The following ZNF362 variants were observed in gnomAD, a reference collection of about 807,000 sequenced individuals.
ZNF362 encodes the protein zinc finger protein 362.
A neutral mutation model predicts 42.9 loss-of-function variants in ZNF362; 11 were observed. The ratio of observed to expected loss-of-function variants is 0.26; its 90% CI spans 0.16 to 0.42. The LOEUF is 0.42. Ranked by LOEUF, ZNF362 falls within the 20% of genes least tolerant of loss-of-function variation. The pLI is 1.00. For synonymous variants in ZNF362, 255 were observed against 257.3 expected (o/e 0.99, Z 0.09); for missense variants, 362 against 576.2 (o/e 0.63, Z 3.81).
chr1:33,151,600 C>T, the ZNF362 span, among the ~76,000 whole-genome samples: 135 of 152,184 alleles, frequency 8.9e-4, no homozygotes, highest in African/African-American at 3.1e-3. Flanking sequence ...CCCAGCAAAA[C>T]AAGCGCAGTC....
chr1:33,188,025 G>T, the ZNF362 span, among the ~76,000 whole-genome samples: 4 of 152,268 alleles, frequency 2.6e-5, no homozygotes, highest in East Asian at 7.7e-4. Flanking sequence ...CACGAAGTCA[G>T]GAGTTTGAGA....
chr1:33,208,230 T>G, the ZNF362 span, among the ~76,000 whole-genome samples: 136,612 of 152,204 alleles, frequency 0.9, 62,465 homozygotes, highest in South Asian at 0.98. Context: ...GTTTGTCAAA[T>G]ATCAGATGGT....
the ZNF362 span, among the ~76,000 whole-genome samples, chr1:33,169,238 C>CA: frequency 6.6e-6 from 1 of 152,116 alleles, no homozygotes; most frequent in Non-Finnish European, 1.5e-5. Context: ...CTCCTCTCCC[C>CA]ATATTCCCCA....
At chr1:33,290,831 T>C (rs1047826757) in intron 6 of ZNF362, among the ~76,000 whole-genome samples, 1 of 152,288 alleles carries the variant, frequency 6.6e-6, no homozygotes, top group East Asian at 1.9e-4. Flanking sequence ...TGAGCATTTT[T>C]TCATATGTCT....
At chr1:33,248,701 C>G in the ZNF362 span, among the ~76,000 whole-genome samples, 1 of 152,162 alleles carries the variant, frequency 6.6e-6, no homozygotes, top group African/African-American at 2.4e-5. Context: ...CCTCTCTGCC[C>G]AGTGCCAAGC....
chr1:33,256,478 C>A, upstream of ZNF362: 1 of 170,194 alleles, frequency 5.9e-6, no homozygotes. Flanking sequence ...GCCGCCTCGG[C>A]GCTTGCAGAA....
rs1167016697 is a variant in ZNF362, at chr1:33,281,066, C to T, written c.684-521C>T. 2.5e-5 allele frequency among the ~76,000 whole-genome samples: 2 copies of T among 81,528 alleles called. No homozygotes were observed. Among genetic ancestry groups the T allele is most frequent in the African/African-American group, 9.0e-5 (2 of 22,220 alleles). The allele number at this position is 81,528 out of a possible 152,430, so 53.5% of individuals were successfully genotyped here. ...CCTGGGTGACAGGGTGAGACTCTGT[C>T]TCAAACAACAACAACAACAACAACA... On this transcript the variant is annotated intron_variant, in intron 5 of 8. Coordinates refer to ENST00000539719, the MANE Select transcript of ZNF362 (RefSeq NM_152493.3). This position sits in a 1 kb window ranked among gnomAD's most constrained non-coding sequence, Gnocchi z 4.8.
chr1:33,230,078 C>T, the ZNF362 span, among the ~76,000 whole-genome samples: 1 of 152,020 alleles, frequency 6.6e-6, no homozygotes, highest in South Asian at 2.1e-4. Flanking sequence ...TCTACTGACT[C>T]TTCAGATTAA....
Position 33,280,072 on chromosome 1 carries a change from G to A in ZNF362, c.350-52G>A, listed in dbSNP as rs1036655756. On this transcript the variant is annotated intron_variant, in intron 4 of 8. Coordinates refer to ENST00000539719, the MANE Select transcript of ZNF362 (RefSeq NM_152493.3). The surrounding 1 kb of genome is among the most constrained non-coding windows in gnomAD (Gnocchi z 5.6). ...ATCACATAGCTGGGTGGGCAGCTGAGCTGGCCTCTGCAGCTCCGCTCACCC... is the reference window on the plus strand; with the variant it reads ...ATCACATAGCTGGGTGGGCAGCTGAACTGGCCTCTGCAGCTCCGCTCACCC... 1 of 1,509,814 alleles carries A rather than the reference G, an allele frequency of 6.6e-7. No homozygotes were observed. Among genetic ancestry groups the A allele is most frequent in the Non-Finnish European group, 8.9e-7 (1 of 1,128,430 alleles). 93.5% of individuals were successfully genotyped at this position (1,509,814 alleles called of 1,614,324 possible).
At chr1:33,212,848 C>T in the ZNF362 span, among the ~76,000 whole-genome samples, 2 of 152,184 alleles carry the variant, frequency 1.3e-5, no homozygotes, top group Admixed American at 6.5e-5. Context: ...AGAAGACAGC[C>T]GAACTATATG....
At chr1:33,262,537 G>C (rs944038367) in intron 1 of ZNF362, among the ~76,000 whole-genome samples, 11 of 152,118 alleles carry the variant, frequency 7.2e-5, no homozygotes, top group South Asian at 4.2e-4. Context: ...TCGATCTCCT[G>C]ACCTTGTGAT....
At chr1:33,197,135 T>C in the ZNF362 span, among the ~76,000 whole-genome samples, 6 of 152,304 alleles carry the variant, frequency 3.9e-5, no homozygotes, top group East Asian at 7.7e-4. Flanking sequence ...GAGTCCAGGT[T>C]CTTTGGTCTT....
the ZNF362 span, among the ~76,000 whole-genome samples, chr1:33,143,978 T>C: frequency 6.6e-6 from 1 of 152,188 alleles, no homozygotes; most frequent in Non-Finnish European, 1.5e-5. Flanking sequence ...CTTGCCTGAG[T>C]CACTACGTTC....
the ZNF362 span, among the ~76,000 whole-genome samples, chr1:33,189,659 A>ATATATATACG: frequency 4.2e-5 from 1 of 24,036 alleles, no homozygotes; most frequent in African/African-American, 9.5e-5. Context: ...ATATATATAT[A>ATATATATACG]TATATATATA....
the ZNF362 span, among the ~76,000 whole-genome samples, chr1:33,214,456 C>A: frequency 2.0e-5 from 3 of 152,104 alleles, no homozygotes; most frequent in Non-Finnish European, 4.4e-5. Flanking sequence ...TCAAATAATA[C>A]CTCAAAGGCA....
the ZNF362 span, among the ~76,000 whole-genome samples, chr1:33,175,316 A>T: frequency 6.6e-6 from 1 of 151,962 alleles, no homozygotes; most frequent in Non-Finnish European, 1.5e-5. Context: ...TGCTGGGATT[A>T]CAGGCGTGGG....
At chr1:33,181,149 G>A in the ZNF362 span, 3 of 1,599,646 alleles carry the variant, frequency 1.9e-6, no homozygotes, top group African/African-American at 1.3e-5. This position sits in a 1 kb window ranked among gnomAD's most constrained non-coding sequence, Gnocchi z 6.5. Flanking sequence ...CTTGTCGTGC[G>A]CCTGGCAGGG....
chr1:33,159,930 G>A, the ZNF362 span: 12 of 1,604,584 alleles, frequency 7.5e-6, no homozygotes, highest in Non-Finnish European at 1.0e-5. This position sits in a 1 kb window ranked among gnomAD's most constrained non-coding sequence, Gnocchi z 4.2. Context: ...TGGTCCGCAG[G>A]CTCTTGGTGG....
the ZNF362 span, among the ~76,000 whole-genome samples, chr1:33,144,945 C>G: frequency 6.6e-6 from 1 of 152,178 alleles, no homozygotes; most frequent in African/African-American, 2.4e-5. Context: ...TACAGCTTAC[C>G]AATAAATTAT....
Sources: allele counts gnomAD v4.1 joint callset (sites outside exome capture counted in the v4.1 genomes callset), GRCh38; gene constraint gnomAD v4.1.1; non-coding constraint Gnocchi (gnomAD v3.1); transcripts MANE v1.5; gene names NCBI Gene and HGNC (gene_info 2026-07-23, HGNC 2026-07-21).